Variants in SGCZ observed in about 807,000 individuals in gnomAD.
SGCZ encodes sarcoglycan zeta.
Under a neutral mutation model 41.3 loss-of-function variants are expected in SGCZ, and 40 were observed. That is an observed-to-expected ratio of 0.97 (90% CI 0.75 to 1.26). The LOEUF (loss-of-function observed/expected upper bound fraction) is 1.26, where lower values mean the gene tolerates loss of function less well. SGCZ is among the 50% of genes most tolerant of loss of function. The pLI, the probability that SGCZ is intolerant of heterozygous loss-of-function variation, is 0.00. For missense variants in SGCZ, 552 were observed against 369.8 expected, an observed-to-expected ratio of 1.49 and a Z score of -4.04; for synonymous variants, 206 against 137.5, an observed-to-expected ratio of 1.50 and a Z score of -3.49.
chr8:14,746,953 T>C (rs1400659063), intron 1 of SGCZ, among the ~76,000 whole-genome samples: 2 of 152,236 alleles, frequency 1.3e-5, no homozygotes, highest in African/African-American at 2.4e-5. Flanking sequence ...GGTTCAAAGA[T>C]ATTTGAAGCA....
chr8:14,089,141 T>C lies in SGCZ; in HGVS notation c.*1302A>G, dbSNP rs1372197916. ...TATTCTGGAGTTGTTTACTAAGAGG[T>C]CATATACAAAAATAAGCATTGGAAA... On this transcript the variant is annotated 3_prime_UTR_variant, in exon 8 of 8. Coordinates refer to ENST00000382080, the MANE Select transcript of SGCZ (RefSeq NM_139167.4). 6.6e-6 allele frequency among the ~76,000 whole-genome samples: 1 copy of C among 151,868 alleles called. No homozygotes were observed. The highest frequency in any genetic ancestry group is 2.4e-5 in the African/African-American group (1 of 41,394).
rs562333146 is a variant in SGCZ at position 14,682,291 on chromosome 8, C to G, written c.40-127365G>C. On this transcript the variant is annotated intron_variant, in intron 1 of 7. Transcript: ENST00000382080. ...TTTCATTTTTGAATATAAGATTATA[C>G]TTTGAGTATGAAAAGCAATGAAAGG... 7.2e-5 allele frequency among the ~76,000 whole-genome samples: 11 copies of G among 152,226 alleles called. No homozygotes were observed. In the East Asian group the frequency reaches 2.1e-3, roughly 29 times the overall value.
chr8:14,287,589 T>G (rs756910346), intron 3 of SGCZ, among the ~76,000 whole-genome samples: 48 of 152,136 alleles, frequency 3.2e-4, no homozygotes, highest in Non-Finnish European at 6.3e-4. Context: ...TGAACTAGCA[T>G]TGCCATCTAA....
intron 1 of SGCZ, among the ~76,000 whole-genome samples, chr8:14,598,560 C>T (rs569091378): frequency 6.6e-6 from 1 of 151,726 alleles, no homozygotes; most frequent in East Asian, 1.9e-4. Flanking sequence ...CAGGGGTCCA[C>T]TCTGTAGCCA....
intron 1 of SGCZ, among the ~76,000 whole-genome samples, chr8:14,862,872 A>G (rs1292065064): frequency 6.6e-6 from 1 of 152,000 alleles, no homozygotes; most frequent in Non-Finnish European, 1.5e-5. Flanking sequence ...CAGAGAAGCC[A>G]CTAGAGGAAA....
At chr8:14,416,146 A>G (rs1437136289) in intron 2 of SGCZ, among the ~76,000 whole-genome samples, 2 of 151,880 alleles carry the variant, frequency 1.3e-5, no homozygotes, top group African/African-American at 4.8e-5. Context: ...TCCAATTAAC[A>G]TGCATGTGTG....
intron 2 of SGCZ, among the ~76,000 whole-genome samples, chr8:14,508,683 C>G (rs550619391): frequency 6.6e-6 from 1 of 152,282 alleles, no homozygotes; most frequent in Middle Eastern, 3.4e-3. Flanking sequence ...AATAAAGTAT[C>G]TGTCTAGCTA....
intron 1 of SGCZ, among the ~76,000 whole-genome samples, chr8:15,171,465 C>A (rs1248246075): frequency 6.6e-6 from 1 of 152,180 alleles, no homozygotes; most frequent in African/African-American, 2.4e-5. Context: ...ATGATGGAAG[C>A]ACCCACTGAA....
Position 14,976,800 on chromosome 8 carries a change from T to G in SGCZ, c.39+260785A>C, listed in dbSNP as rs560878520. The stretch of plus-strand genomic sequence containing the variant: ...TACAATTCATGAATTACAGAACATG[T>G]GTACTGCTTCCATTCTGAATGCTAA... On this transcript the variant is annotated intron_variant, in intron 1 of 7. Transcript: ENST00000382080. Among the ~76,000 whole-genome samples, 5 of 152,330 alleles carry G rather than the reference T, an allele frequency of 3.3e-5. No homozygotes were observed. The South Asian group carries it at 8.3e-4, about 25-fold the overall frequency.
At chr8:15,037,829 T>A (rs1384485642) in intron 1 of SGCZ, among the ~76,000 whole-genome samples, 1 of 152,166 alleles carries the variant, frequency 6.6e-6, no homozygotes, top group Non-Finnish European at 1.5e-5. Context: ...TTCTATACAC[T>A]GACATAAACA....
chr8:14,269,239 T>C (rs1799978811), intron 3 of SGCZ, among the ~76,000 whole-genome samples: 1 of 152,194 alleles, frequency 6.6e-6, no homozygotes, highest in South Asian at 2.1e-4. Context: ...ATTACTTTAA[T>C]GGCTCAAATT....
rs1809045415 is a variant in SGCZ at position 14,698,841 on chromosome 8, G to C, written c.40-143915C>G. On this transcript the variant is annotated intron_variant, in intron 1 of 7. Transcript: ENST00000382080. ...TTGAATTACACTTCTAGAAATGAAAGTAGTGTGAACACATGTCTCCTCATC... is the reference window on the plus strand; with the variant it reads ...TTGAATTACACTTCTAGAAATGAAACTAGTGTGAACACATGTCTCCTCATC... Among the ~76,000 whole-genome samples, 3 of 151,920 alleles carry C rather than the reference G, an allele frequency of 2.0e-5. No individual in the cohort carries two copies. The South Asian group carries it at 6.2e-4, about 32-fold the overall frequency.
At chr8:15,174,369 C>G (rs1799937653) in intron 1 of SGCZ, among the ~76,000 whole-genome samples, 1 of 152,122 alleles carries the variant, frequency 6.6e-6, no homozygotes, top group South Asian at 2.1e-4. Flanking sequence ...GCAAACAGAG[C>G]TGCTAAAAAC....
intron 1 of SGCZ, among the ~76,000 whole-genome samples, chr8:14,926,675 T>C (rs1277151873): frequency 6.6e-6 from 1 of 152,060 alleles, no homozygotes; most frequent in Admixed American, 6.6e-5. Flanking sequence ...ACAGTCTCGC[T>C]CTGTTGCCAG....
At chr8:14,460,775 T>C (rs145646741) in intron 2 of SGCZ, among the ~76,000 whole-genome samples, 210 of 152,294 alleles carry the variant, frequency 1.4e-3, no homozygotes, top group Middle Eastern at 3.4e-3. Context: ...TTAGAGCTAA[T>C]TGTCAGATGC....
At chr8:14,585,632 A>T (rs1404763101) in intron 1 of SGCZ, among the ~76,000 whole-genome samples, 1 of 152,192 alleles carries the variant, frequency 6.6e-6, no homozygotes, top group Non-Finnish European at 1.5e-5. Context: ...TTTATGAAAA[A>T]TATATCAGAC....
intron 1 of SGCZ, among the ~76,000 whole-genome samples, chr8:14,656,624 C>G (rs1049515980): frequency 6.7e-6 from 1 of 149,100 alleles, no homozygotes; most frequent in African/African-American, 2.5e-5. Flanking sequence ...CTCTCTCTCT[C>G]TCTCCTCCCC....
At chr8:15,187,268 G>T (rs539576100) in intron 1 of SGCZ, among the ~76,000 whole-genome samples, 4 of 152,126 alleles carry the variant, frequency 2.6e-5, no homozygotes, top group African/African-American at 7.2e-5. Flanking sequence ...TTAAGGCAAT[G>T]CTTCTAACAC....
chr8:14,541,088 A>G (rs1249000228), intron 2 of SGCZ, among the ~76,000 whole-genome samples: 1 of 150,756 alleles, frequency 6.6e-6, no homozygotes, highest in Admixed American at 6.6e-5. Context: ...AACACAACAC[A>G]TACACACACA....
Sources: gnomAD v4.1 joint callset for allele counts (sites outside exome capture counted in the v4.1 genomes callset) on GRCh38, gnomAD v4.1.1 for gene constraint, MANE v1.5 for transcripts, NCBI Gene and HGNC (gene_info 2026-07-23, HGNC 2026-07-21) for gene names.